Variants in ACTN1 observed in about 807,000 individuals in gnomAD.
ACTN1 encodes actinin alpha 1.
ACTN1 carries 30 observed loss-of-function variants against 119.6 expected under a neutral mutation model. The observed-to-expected ratio is 0.25, with a 90% CI of 0.19 to 0.34. The LOEUF (loss-of-function observed/expected upper bound fraction) is 0.34, where lower values mean the gene tolerates loss of function less well. Among genes scored for constraint, ACTN1 ranks in the 10% least tolerant of loss-of-function variants. The pLI, the probability that ACTN1 is intolerant of heterozygous loss-of-function variation, is 1.00. For missense variants in ACTN1, 764 were observed against 1,223.4 expected, an observed-to-expected ratio of 0.62 and a Z score of 5.60; for synonymous variants, 429 against 472.6, an observed-to-expected ratio of 0.91 and a Z score of 1.20.
chr14:68,876,157 C>T (rs8010669), intron 21 of ACTN1, among the ~76,000 whole-genome samples: 35,327 of 151,986 alleles, frequency 0.23, 4,570 homozygotes, highest in Admixed American at 0.38. Flanking sequence ...CCACCACGCC[C>T]GGTTAATTTT....
intron 1 of ACTN1, among the ~76,000 whole-genome samples, chr14:68,937,599 C>T (rs1017936327): frequency 2.6e-5 from 4 of 152,190 alleles, no homozygotes; most frequent in Admixed American, 6.5e-5. Flanking sequence ...ATTAAGACAG[C>T]AAACTGCTAA....
chr14:68,901,217 G>GGT (rs1566616772), intron 8 of ACTN1, among the ~76,000 whole-genome samples: 174 of 121,792 alleles, frequency 1.4e-3, no homozygotes, highest in African/African-American at 5.2e-3. Flanking sequence ...GTTTTTTTTT[G>GGT]TTTTTTTTTT....
rs1296679721 is a variant in ACTN1, at chr14:68,893,760, CAG to C, written c.763-15_763-14del. On this transcript the variant is annotated splice_polypyrimidine_tract_variant and intron_variant, in intron 8 of 21. Coordinates refer to ENST00000394419, the MANE Select transcript of ACTN1 (RefSeq NM_001130004.2). ...CTGCTGTCTCCGCCTGGCAACAAGACAGAGAGAGTCACGACCAGCCAGCCCCA... is the reference window on the plus strand; with the variant it reads ...CTGCTGTCTCCGCCTGGCAACAAGACAGAGAGTCACGACCAGCCAGCCCCA... 9.9e-6 allele frequency: 16 copies of C among 1,612,860 alleles called. No individual in the cohort carries two copies. The highest frequency in any genetic ancestry group is 2.2e-5 in the East Asian group (1 of 44,882).
At chr14:68,975,574 A>G (rs1033600067) in intron 1 of ACTN1, among the ~76,000 whole-genome samples, 12 of 152,286 alleles carry the variant, frequency 7.9e-5, no homozygotes, top group East Asian at 1.9e-4. Flanking sequence ...GGGTACACAC[A>G]TACACCTAAG....
chr14:68,933,408 T>A (rs1446929644), intron 1 of ACTN1, among the ~76,000 whole-genome samples: 3 of 152,144 alleles, frequency 2.0e-5, no homozygotes, highest in Admixed American at 2.0e-4. Context: ...AGTGCTGGGA[T>A]TACAGGCATG....
At chr14:68,876,100 G>C (rs2030862033) in intron 21 of ACTN1, among the ~76,000 whole-genome samples, 2 of 152,244 alleles carry the variant, frequency 1.3e-5, no homozygotes, top group South Asian at 4.1e-4. Flanking sequence ...AGGTTCAAGC[G>C]ATTTTCAGGC....
chr14:68,915,380 C>T (rs1203146352), intron 3 of ACTN1, among the ~76,000 whole-genome samples: 1 of 152,156 alleles, frequency 6.6e-6, no homozygotes, highest in African/African-American at 2.4e-5. Flanking sequence ...TCACACGTCC[C>T]CTTCTCATGG....
intron 11 of ACTN1, chr14:68,886,969 A>AT (rs571916404): frequency 0.026 from 3,906 of 148,638 alleles, 77 homozygotes; most frequent in South Asian, 0.057. Context: ...TTCAGGATGG[A>AT]TTTTTTTTTT....
At chr14:68,902,070 C>A in intron 8 of ACTN1, among the ~76,000 whole-genome samples, 1 of 152,316 alleles carries the variant, frequency 6.6e-6, no homozygotes, top group Non-Finnish European at 1.5e-5. Flanking sequence ...GAGGTGTCTC[C>A]CAGCATTGCC....
chr14:68,918,479 G>A (rs76004818), intron 3 of ACTN1, among the ~76,000 whole-genome samples: 3 of 142,094 alleles, frequency 2.1e-5, no homozygotes, highest in African/African-American at 5.4e-5. Context: ...CCAGCTACTC[G>A]GGAGGCTGAG....
intron 2 of ACTN1, among the ~76,000 whole-genome samples, chr14:68,922,516 C>T (rs66579511): frequency 6.6e-6 from 1 of 152,190 alleles, no homozygotes; most frequent in African/African-American, 2.4e-5. Flanking sequence ...GGCAGCACCA[C>T]GTCCCCTCCC....
Position 68,882,432 on chromosome 14 carries a change from G to T in ACTN1, c.1953+26C>A. ...TCGGGGGGGAGGGGTGGGAGCCCCAGCACTGCTTCCCAGCATGGGACCCAC... is the reference window on the plus strand; with the variant it reads ...TCGGGGGGGAGGGGTGGGAGCCCCATCACTGCTTCCCAGCATGGGACCCAC... On this transcript the variant is annotated intron_variant, in intron 16 of 21. Transcript: ENST00000394419. The surrounding 1 kb of genome is among the most constrained non-coding windows in gnomAD (Gnocchi z 4.5). 6.2e-7 allele frequency: 1 copy of T among 1,612,108 alleles called. No individual in the cohort carries two copies. Among genetic ancestry groups the T allele is most frequent in the Non-Finnish European group, 8.5e-7 (1 of 1,178,788 alleles).
At chr14:68,888,800 A>G (rs2032238881) in intron 11 of ACTN1, among the ~76,000 whole-genome samples, 1 of 152,146 alleles carries the variant, frequency 6.6e-6, no homozygotes, top group South Asian at 2.1e-4. Context: ...TGTGCTCCTT[A>G]TGAGAATCTA....
rs182969629 is a variant in ACTN1 at position 68,935,716 on chromosome 14, A to G, written c.106-10044T>C. On this transcript the variant is annotated intron_variant, in intron 1 of 21. Transcript: ENST00000394419. The stretch of plus-strand genomic sequence containing the variant: ...GCTCTATTCTGATGTTTAAGCCTCA[A>G]CACACAATCCAGGCCATCCACTCTG... Among the ~76,000 whole-genome samples, 4 of 152,256 alleles carry G rather than the reference A, an allele frequency of 2.6e-5. No individual in the cohort carries two copies. The East Asian group carries it at 7.7e-4, about 29-fold the overall frequency.
intron 1 of ACTN1, among the ~76,000 whole-genome samples, chr14:68,955,023 G>A (rs1306165056): frequency 6.6e-6 from 1 of 152,102 alleles, no homozygotes; most frequent in Non-Finnish European, 1.5e-5. Flanking sequence ...AAGCAGACCT[G>A]TAACAGCTCC....
At chr14:68,964,781 A>T (rs1031563419) in intron 1 of ACTN1, among the ~76,000 whole-genome samples, 4 of 152,152 alleles carry the variant, frequency 2.6e-5, no homozygotes. Context: ...ACATGCGGTA[A>T]TAAGTGCTGG....
chr14:68,930,195 T>C (rs1219197586), intron 1 of ACTN1, among the ~76,000 whole-genome samples: 2 of 152,224 alleles, frequency 1.3e-5, no homozygotes, highest in Non-Finnish European at 2.9e-5. Context: ...CAGGCCTCTT[T>C]GAGCCTCAGT....
intron 6 of ACTN1, 23 bp from the exon 7 acceptor site, chr14:68,904,759 G>A (rs751836269): frequency 2.5e-6 from 4 of 1,602,108 alleles, no homozygotes; most frequent in African/African-American, 1.3e-5. Flanking sequence ...AAGGAGGAAG[G>A]GATGATAAAG....
At position 68,885,547 on chromosome 14, in the gene ACTN1, G is replaced by A. The variant is rs2140112091; in HGVS notation, c.1263C>T (p.Asp421=). 6.2e-7 allele frequency: 1 copy of A among 1,613,844 alleles called. No individual in the cohort carries two copies. The highest frequency in any genetic ancestry group is 1.1e-5 in the South Asian group (1 of 91,084). The change falls in exon 12 of 22, where the codon GAC becomes GAT. Residue 421 remains aspartate (D), a synonymous_variant. Coordinates refer to ENST00000394419, the MANE Select transcript of ACTN1 (RefSeq NM_001130004.2). This position sits in a 1 kb window ranked among gnomAD's most constrained non-coding sequence, Gnocchi z 5.6. ...DGKEAMLRQK[D]YETATLSEIK... is the part of the protein sequence containing the mutation. ...TCTCCGAGAGGGTGGCGGTCTCATA[G>A]TCCTTCTGTCGCAGCATGGCCTCTT... is the stretch of plus-strand genomic sequence containing the variant.
Sources: gnomAD v4.1 joint callset for allele counts (sites outside exome capture counted in the v4.1 genomes callset) on GRCh38, gnomAD v4.1.1 for gene constraint, Gnocchi (gnomAD v3.1) non-coding constraint, MANE v1.5 for transcripts, NCBI Gene and HGNC (gene_info 2026-07-23, HGNC 2026-07-21) for gene names.